Variants in ETNK1 observed in about 807,000 individuals in gnomAD.
ETNK1 encodes putative protein product of Nbla10396.
In ETNK1, 8 loss-of-function variants were observed where a neutral mutation model predicts 45.1. That is an observed-to-expected ratio of 0.18 (90% CI 0.10 to 0.32). The LOEUF (loss-of-function observed/expected upper bound fraction) is 0.32. ETNK1 is among the 10% of genes least tolerant of loss of function. The pLI, the probability that ETNK1 is intolerant of heterozygous loss-of-function variation, is 1.00. For missense variants in ETNK1, 302 were observed against 430.6 expected (o/e 0.70, Z 2.64); for synonymous variants, 152 against 151.9 (o/e 1.00, Z -0.01).
Position 22,664,095 on chromosome 12 carries a change from G to A in ETNK1, c.700+2890G>A, listed in dbSNP as rs574094477. Among the ~76,000 whole-genome samples the A allele has an allele frequency of 2.0e-5, 3 of 151,950 alleles. No homozygotes were observed. The South Asian group carries it at 6.2e-4, about 31-fold the overall frequency. ...TGGTTTTAAGGTAATTTAACTATATGACATGTTTGAGTGTTTACTATAAGT... is the reference window on the plus strand; with the variant it reads ...TGGTTTTAAGGTAATTTAACTATATAACATGTTTGAGTGTTTACTATAAGT... On this transcript the variant is annotated intron_variant, in intron 4 of 7. Coordinates refer to ENST00000266517, the MANE Select transcript of ETNK1 (RefSeq NM_018638.5).
intron 6 of ETNK1, among the ~76,000 whole-genome samples, chr12:22,679,711 T>G (rs1954195732): frequency 6.6e-6 from 1 of 151,014 alleles, no homozygotes; most frequent in Non-Finnish European, 1.5e-5. Flanking sequence ...TGTTTTTTTT[T>G]TTTTTTTGAT....
intron 4 of ETNK1, among the ~76,000 whole-genome samples, chr12:22,668,745 T>A (rs553704186): frequency 1.3e-5 from 2 of 152,326 alleles, no homozygotes; most frequent in Admixed American, 1.3e-4. Context: ...TTCTTATTTT[T>A]AAAATTTCAT....
At position 22,689,017 on chromosome 12, in the gene ETNK1, T is replaced by A. The variant is rs900865271; in HGVS notation, c.*4063T>A. The A allele has an allele frequency of 6.6e-6, 1 of 151,954 alleles. No individual in the cohort carries two copies. The highest frequency in any genetic ancestry group is 1.5e-5 in the Non-Finnish European group (1 of 67,806). 9.4% of individuals were successfully genotyped at this position (151,954 alleles called of 1,614,324 possible). On this transcript the variant is annotated 3_prime_UTR_variant, in exon 8 of 8. Transcript: ENST00000266517. ...GTATCAATTATTTTAAATGAATTTT[T>A]CCCCATGTTTGAGGCTTAGTCTGTA...
At position 22,659,164 on chromosome 12, in the gene ETNK1, T is replaced by G; in HGVS notation, c.557+10T>G. 6.2e-7 allele frequency: 1 copy of G among 1,607,192 alleles called. No homozygotes were observed. Among genetic ancestry groups the G allele is most frequent in the Non-Finnish European group, 8.5e-7 (1 of 1,175,410 alleles). ...AAGACATTAATAAAAGGTAAAATTA[T>G]TTTTACATTTGAAATTATGTTTTAC... is the stretch of plus-strand genomic sequence containing the variant. On this transcript the variant is annotated intron_variant, in intron 3 of 7. Transcript: ENST00000266517.
intron 6 of ETNK1, among the ~76,000 whole-genome samples, chr12:22,683,947 C>T (rs1462902617): frequency 6.6e-6 from 1 of 152,024 alleles, no homozygotes; most frequent in African/African-American, 2.4e-5. Flanking sequence ...AGTCCAAAAC[C>T]CATATTTTTC....
At chr12:22,640,364 C>T (rs1356402332) in intron 1 of ETNK1, among the ~76,000 whole-genome samples, 2 of 147,770 alleles carry the variant, frequency 1.4e-5, no homozygotes, top group African/African-American at 2.5e-5. Flanking sequence ...GAGAGAGTAA[C>T]GTTGAATGGC....
chr12:22,669,119 A>G (rs971189687), intron 4 of ETNK1, among the ~76,000 whole-genome samples: 1 of 152,192 alleles, frequency 6.6e-6, no homozygotes, highest in Non-Finnish European at 1.5e-5. Context: ...TTAAAAAATT[A>G]TATATTAAAA....
At chr12:22,625,869 G>T in intron 1 of ETNK1, 2 of 664,546 alleles carry the variant, frequency 3.0e-6, no homozygotes, top group Non-Finnish European at 5.5e-6. Flanking sequence ...GCTGATAGTT[G>T]CCCCTCCTCC....
chr12:22,637,015 C>A (rs967187020), intron 1 of ETNK1, among the ~76,000 whole-genome samples: 1 of 152,162 alleles, frequency 6.6e-6, no homozygotes, highest in Non-Finnish European at 1.5e-5. Context: ...ACAGTGGGAC[C>A]ATTTGCAGAT....
chr12:22,653,936 T>A (rs1208995390), intron 2 of ETNK1, among the ~76,000 whole-genome samples: 1 of 152,210 alleles, frequency 6.6e-6, no homozygotes, highest in Non-Finnish European at 1.5e-5. Context: ...AGAAGATTTG[T>A]GTTGTAAATC....
rs532143640 is a variant in ETNK1 at position 22,654,597 on chromosome 12, C to G, written c.417-4417C>G. Among the ~76,000 whole-genome samples the G allele has an allele frequency of 7.2e-5, 11 of 152,178 alleles. No individual in the cohort carries two copies. The South Asian group carries it at 2.3e-3, about 32-fold the overall frequency. ...TAACTGACTCTAATTTAGAATATAC[C>G]TGTTAAGTACCTCCTCTAAGTTCTG... On this transcript the variant is annotated intron_variant, in intron 2 of 7. Transcript: ENST00000266517.
chr12:22,682,950 G>A (rs1954226886), intron 6 of ETNK1, among the ~76,000 whole-genome samples: 1 of 152,054 alleles, frequency 6.6e-6, no homozygotes, highest in African/African-American at 2.4e-5. Flanking sequence ...CTCAATACCT[G>A]ATATACTTTT....
intron 6 of ETNK1, among the ~76,000 whole-genome samples, chr12:22,675,951 C>A (rs1954156840): frequency 6.6e-6 from 1 of 152,030 alleles, no homozygotes; most frequent in South Asian, 2.1e-4. Context: ...ATTCTGATAC[C>A]AATTTCTAGT....
At chr12:22,684,831 C>A (rs770457220) in intron 7 of ETNK1, 51 bp from the exon 8 acceptor site, 6 of 1,431,876 alleles carry the variant, frequency 4.2e-6, no homozygotes, top group Non-Finnish European at 5.8e-6. Context: ...AAGGGAAGGA[C>A]CAAGTTTTTC....
chr12:22,666,903 G>A (rs1446938506), intron 4 of ETNK1, among the ~76,000 whole-genome samples: 1 of 152,070 alleles, frequency 6.6e-6, no homozygotes, highest in Non-Finnish European at 1.5e-5. Flanking sequence ...AAGCTTTGTA[G>A]TTGTCATGTT....
intron 6 of ETNK1, among the ~76,000 whole-genome samples, chr12:22,680,237 G>T (rs1253693692): frequency 6.6e-6 from 1 of 152,040 alleles, no homozygotes; most frequent in East Asian, 1.9e-4. Context: ...TTTGATTGAG[G>T]ACTGAATCTC....
rs12310925 is a variant in ETNK1, at chr12:22,656,047, C to G, written c.417-2967C>G. On this transcript the variant is annotated intron_variant, in intron 2 of 7. Transcript: ENST00000266517. Reference sequence around the variant, plus strand: ...TCAAAATTAGTTAATACTTTCTCTTCTAGCAGCTATTGATGTTCAACAAAT... The same window carrying G: ...TCAAAATTAGTTAATACTTTCTCTTGTAGCAGCTATTGATGTTCAACAAAT... Among the ~76,000 whole-genome samples the G allele has an allele frequency of 3.9e-5, 6 of 152,318 alleles. No homozygotes were observed. In the East Asian group the frequency reaches 1.2e-3, roughly 29 times the overall value.
intron 1 of ETNK1, among the ~76,000 whole-genome samples, chr12:22,634,907 CTTCA>C (rs1246764682): frequency 6.6e-6 from 1 of 152,076 alleles, no homozygotes; most frequent in Non-Finnish European, 1.5e-5. Context: ...TAGTTTTGTC[CTTCA>C]TTATTTCCTT....
At position 22,661,120 on chromosome 12, in the gene ETNK1, G is replaced by T; in HGVS notation, c.615G>T (p.Lys205Asn). 1 of 1,612,618 alleles carries T rather than the reference G, an allele frequency of 6.2e-7. No individual in the cohort carries two copies. The highest frequency in any genetic ancestry group is 8.5e-7 in the Non-Finnish European group (1 of 1,179,446). Reference protein sequence around the residue: ...QILQEEMTWMKEILSNLGSPV... With the variant: ...QILQEEMTWMNEILSNLGSPV... Reference sequence around the variant, plus strand: ...TCCAGGAAGAGATGACTTGGATGAAGGAGATTCTTTCCAACCTGGGCTCAC... The same window carrying T: ...TCCAGGAAGAGATGACTTGGATGAATGAGATTCTTTCCAACCTGGGCTCAC... The change falls in exon 4 of 8, where the codon AAG becomes AAT. Residue 205 changes from lysine (K) to asparagine (N), a missense_variant. Coordinates refer to ENST00000266517, the MANE Select transcript of ETNK1 (RefSeq NM_018638.5).
Sources: allele counts gnomAD v4.1 joint callset (sites outside exome capture counted in the v4.1 genomes callset), GRCh38; gene constraint gnomAD v4.1.1; transcripts MANE v1.5; gene names NCBI Gene and HGNC (gene_info 2026-07-23, HGNC 2026-07-21).